ASTN2: variants seen among roughly 807,000 people sequenced by gnomAD.
ASTN2 encodes astrotactin 2, also known as astrotactin-2.
A neutral mutation model predicts 139.8 loss-of-function variants in ASTN2; 54 were observed. The ratio of observed to expected loss-of-function variants is 0.39; its 90% CI spans 0.31 to 0.48. ASTN2 has a LOEUF of 0.48. Among genes scored for constraint, ASTN2 ranks in the 20% least tolerant of loss-of-function variants. The pLI, the probability that ASTN2 is intolerant of heterozygous loss-of-function variation, is 0.95. For missense variants in ASTN2, 1,565 were observed against 1,725.1 expected (o/e 0.91, Z 1.64); for synonymous variants, 756 against 719.5 (o/e 1.05, Z -0.81).
chr9:116,952,702 C>T (rs1056244902), intron 10 of ASTN2, among the ~76,000 whole-genome samples: 1 of 152,186 alleles, frequency 6.6e-6, no homozygotes, highest in Non-Finnish European at 1.5e-5. Context: ...GCCCATTCAT[C>T]ATCCACACCT....
chr9:117,118,601 C>A (rs1829463058), intron 4 of ASTN2, among the ~76,000 whole-genome samples: 1 of 152,144 alleles, frequency 6.6e-6, no homozygotes, highest in Non-Finnish European at 1.5e-5. Context: ...GTAAATCAAA[C>A]CAAGTCCTTT....
chr9:116,677,627 AAG>A (rs1267862353), intron 16 of ASTN2, among the ~76,000 whole-genome samples: 1 of 152,198 alleles, frequency 6.6e-6, no homozygotes, highest in African/African-American at 2.4e-5. Context: ...TGAGACTCCC[AAG>A]AGAGATGGGC....
chr9:117,116,617 AG>A (rs1183989312), intron 4 of ASTN2, among the ~76,000 whole-genome samples: 1 of 150,988 alleles, frequency 6.6e-6, no homozygotes, highest in African/African-American at 2.4e-5. Flanking sequence ...ATGCTAGTCT[AG>A]GAGAATGGTG....
chr9:116,736,613 T>C (rs542063808), intron 13 of ASTN2, among the ~76,000 whole-genome samples: 1 of 152,156 alleles, frequency 6.6e-6, no homozygotes. Context: ...CCAGGCTCTG[T>C]TCTCTATGTG....
chr9:116,764,663 A>G (rs1349161010), intron 13 of ASTN2, among the ~76,000 whole-genome samples: 2 of 152,144 alleles, frequency 1.3e-5, no homozygotes, highest in African/African-American at 4.8e-5. Context: ...TCATTCATTC[A>G]TTTACTTATT....
At chr9:117,216,821 G>T (rs967467258) in intron 2 of ASTN2, among the ~76,000 whole-genome samples, 2 of 151,806 alleles carry the variant, frequency 1.3e-5, no homozygotes, top group Non-Finnish European at 2.9e-5. Context: ...AAGGGCTGGG[G>T]GCAACACTAA....
intron 16 of ASTN2, among the ~76,000 whole-genome samples, chr9:116,677,115 T>G (rs891817263): frequency 6.6e-6 from 1 of 152,218 alleles, no homozygotes; most frequent in Non-Finnish European, 1.5e-5. Context: ...AGATATATTT[T>G]AAAAGCCTTT....
intron 17 of ASTN2, among the ~76,000 whole-genome samples, chr9:116,631,253 C>G (rs192673351): frequency 4.8e-4 from 73 of 152,290 alleles, no homozygotes; most frequent in Non-Finnish European, 8.5e-4. Context: ...GATATCTGCA[C>G]TTTCAGCCTG....
intron 10 of ASTN2, among the ~76,000 whole-genome samples, chr9:116,971,532 T>C (rs1481888494): frequency 2.0e-5 from 3 of 152,198 alleles, no homozygotes; most frequent in Non-Finnish European, 2.9e-5. Flanking sequence ...ACCATGTCCA[T>C]GTACATAAAG....
chr9:116,933,672 A>AAATTC (rs753683887), intron 10 of ASTN2, among the ~76,000 whole-genome samples: 36 of 152,302 alleles, frequency 2.4e-4, no homozygotes, highest in Non-Finnish European at 4.1e-4. Context: ...AAGGCAATGA[A>AAATTC]AATTCAGCAT....
At position 116,699,610 on chromosome 9, in the gene ASTN2, C is replaced by T; in HGVS notation, c.2806+26161G>A. The T allele has an allele frequency of 6.2e-7, 1 of 1,614,174 alleles. No individual in the cohort carries two copies. The highest frequency in any genetic ancestry group is 8.5e-7 in the Non-Finnish European group (1 of 1,180,026). ...GGACTTACCTGTCCGGTGGGCATAG[C>T]CCTAACTCCTAAGGGGCAGCTGCTG... On this transcript the variant is annotated intron_variant, in intron 16 of 22. Transcript: ENST00000313400. This position sits in a 1 kb window ranked among gnomAD's most constrained non-coding sequence, Gnocchi z 4.2.
chr9:116,458,178 T>G (rs556402750), intron 20 of ASTN2, among the ~76,000 whole-genome samples: 75 of 151,350 alleles, frequency 5.0e-4, no homozygotes, highest in Non-Finnish European at 9.9e-4. Context: ...CTAATCGAGC[T>G]AGAGGATAGA....
intron 3 of ASTN2, among the ~76,000 whole-genome samples, chr9:117,191,924 G>C (rs1230418392): frequency 6.6e-6 from 1 of 152,196 alleles, no homozygotes; most frequent in Non-Finnish European, 1.5e-5. Flanking sequence ...AGAAAGGAGA[G>C]ACAGGGAGAT....
chr9:116,816,863 T>C (rs1831343279), intron 12 of ASTN2, among the ~76,000 whole-genome samples: 1 of 142,420 alleles, frequency 7.0e-6, no homozygotes, highest in Admixed American at 7.2e-5. Context: ...TGAGACAAAA[T>C]GTAAATATTC....
intron 2 of ASTN2, among the ~76,000 whole-genome samples, chr9:117,265,930 C>T (rs1006831005): frequency 3.9e-5 from 6 of 152,090 alleles, no homozygotes; most frequent in Non-Finnish European, 7.4e-5. Flanking sequence ...AATGCTAATT[C>T]CTTTCTGGAA....
chr9:117,202,173 T>A (rs1190258830), intron 3 of ASTN2, among the ~76,000 whole-genome samples: 2 of 152,186 alleles, frequency 1.3e-5, no homozygotes, highest in Non-Finnish European at 2.9e-5. Context: ...CCTGCCTTTT[T>A]TTGTTTTCCA....
chr9:117,129,334 C>T (rs1215823152), intron 4 of ASTN2, among the ~76,000 whole-genome samples: 1 of 152,150 alleles, frequency 6.6e-6, no homozygotes, highest in African/African-American at 2.4e-5. Context: ...TTCTCCCTAT[C>T]TCCACCCCTT....
At chr9:117,009,856 A>C (rs554456897) in intron 6 of ASTN2, among the ~76,000 whole-genome samples, 2 of 152,316 alleles carry the variant, frequency 1.3e-5, no homozygotes, top group South Asian at 4.1e-4. Context: ...GCTGTGGTCC[A>C]ATGAGCAATG....
At chr9:116,636,897 G>T (rs1564172770) in intron 17 of ASTN2, among the ~76,000 whole-genome samples, 1 of 152,094 alleles carries the variant, frequency 6.6e-6, no homozygotes, top group Non-Finnish European at 1.5e-5. Context: ...CTTTATAAAT[G>T]GGAGTATTAT....
Sources: gnomAD v4.1 joint callset for allele counts (sites outside exome capture counted in the v4.1 genomes callset) on GRCh38, gnomAD v4.1.1 for gene constraint, Gnocchi (gnomAD v3.1) non-coding constraint, MANE v1.5 for transcripts, NCBI Gene and HGNC (gene_info 2026-07-23, HGNC 2026-07-21) for gene names.